Variants in SLC12A7 observed in about 807,000 individuals in gnomAD.
SLC12A7 encodes K-Cl cotransporter 4.
A neutral mutation model predicts 120.6 loss-of-function variants in SLC12A7; 100 were observed. The ratio of observed to expected loss-of-function variants is 0.83; its 90% confidence interval spans 0.71 to 0.98. The LOEUF is 0.98. SLC12A7 is among the 50% of genes least tolerant of loss of function. The probability of loss-of-function intolerance (pLI) is 0.00; values close to 1 mark genes in which losing one functional copy is unlikely to be tolerated. For synonymous variants in SLC12A7, 760 were observed against 678.0 expected (o/e 1.12, Z -1.88); for missense variants, 1,373 against 1,548.1 (o/e 0.89, Z 1.90).
At chr5:1,142,507 T>A in the SLC12A7 span, among the ~76,000 whole-genome samples, 1 of 65,364 alleles carries the variant, frequency 1.5e-5, no homozygotes, top group African/African-American at 7.0e-5. Context: ...CACTCCCCTC[T>A]CTCCCCTCTC....
intron 19 of SLC12A7, 46 bp from the exon 20 acceptor site, chr5:1,064,021 C>T (rs1386873704): frequency 6.2e-7 from 1 of 1,605,000 alleles, no homozygotes; most frequent in Non-Finnish European, 8.5e-7. Context: ...AGGAGCCCGT[C>T]CCGGCCCGCA....
intron 17 of SLC12A7, 108 bp from the exon 18 acceptor site, chr5:1,065,586 G>T: frequency 1.1e-6 from 1 of 882,250 alleles, no homozygotes; most frequent in Non-Finnish European, 1.7e-6. Context: ...TGTGGACCCA[G>T]CAGGAGGGAA....
At position 1,069,331 on chromosome 5, in the gene SLC12A7, C is replaced by T. The variant is rs573032109; in HGVS notation, c.2242-3853G>A. ...ACAGCCCTCTTGAGCAGGGTTCCCA[C>T]CCCTAGGCTGACCGGCCCAGACCTG... is the stretch of plus-strand genomic sequence containing the variant. On this transcript the variant is annotated intron_variant, in intron 17 of 23. Coordinates refer to ENST00000264930, the MANE Select transcript of SLC12A7 (RefSeq NM_006598.3). Among the ~76,000 whole-genome samples, 4 of 152,360 alleles carry T rather than the reference C, an allele frequency of 2.6e-5. No individual in the cohort carries two copies. In the East Asian group the frequency reaches 7.7e-4, roughly 29 times the overall value.
intron 22 of SLC12A7, among the ~76,000 whole-genome samples, chr5:1,053,988 T>A (rs1488041136): frequency 6.6e-6 from 1 of 152,086 alleles, no homozygotes; most frequent in Non-Finnish European, 1.5e-5. Context: ...TACAACTGGG[T>A]CCAAGGGGCC....
At chr5:1,112,090 G>C (rs1743069436), upstream of SLC12A7, 1 of 1,159,182 alleles carries the variant, frequency 8.6e-7, no homozygotes, top group African/African-American at 1.6e-5. Context: ...GTCCGACCGA[G>C]CCGCCCCGCC....
At chr5:1,115,663 C>T (rs1014210622), upstream of SLC12A7, among the ~76,000 whole-genome samples, 1 of 152,134 alleles carries the variant, frequency 6.6e-6, no homozygotes, top group Admixed American at 6.5e-5. Context: ...GGGAAGGGGA[C>T]ACCTGGAGGA....
chr5:1,076,799 C>T lies in SLC12A7; in HGVS notation c.1643G>A (p.Gly548Glu), dbSNP rs146000356. 1 of 1,609,208 alleles carries T rather than the reference C, an allele frequency of 6.2e-7. No individual in the cohort carries two copies. The highest frequency in any genetic ancestry group is 2.2e-5 in the East Asian group (1 of 44,858). The change falls in exon 13 of 24, where the codon GGG becomes GAG. Residue 548 changes from glycine (G) to glutamate (E), a missense_variant. Gly to Glu is a moderately conservative substitution (Grantham distance 98, BLOSUM62 -2). Transcript: ENST00000264930. ...IVPFLQVFGH[G>E]KANGEPTWAL... ...CCACGTGGGCTCCCCGTTGGCCTTC[C>T]CGTGGCCAAACACCTGCAGGGAGAA...
At chr5:1,078,028 G>T (rs569433617) in intron 11 of SLC12A7, 21 bp from the exon 12 acceptor site, 2 of 1,539,442 alleles carry the variant, frequency 1.3e-6, no homozygotes, top group South Asian at 2.4e-5. Context: ...GCGGGCAGGC[G>T]GGCGGGCGGC....
intron 21 of SLC12A7, among the ~76,000 whole-genome samples, chr5:1,059,482 G>T (rs1310538940): frequency 6.6e-6 from 1 of 152,208 alleles, no homozygotes; most frequent in African/African-American, 2.4e-5. Context: ...ACACACGTGT[G>T]TGATACCAGC....
At chr5:1,145,414 G>A in the SLC12A7 span, among the ~76,000 whole-genome samples, 3 of 152,324 alleles carry the variant, frequency 2.0e-5, no homozygotes, top group Admixed American at 6.5e-5. This position sits in a 1 kb window ranked among gnomAD's most constrained non-coding sequence, Gnocchi z 4.4. Context: ...GGGTAATTGC[G>A]GCCAGGTGCT....
upstream of SLC12A7, among the ~76,000 whole-genome samples, chr5:1,116,199 T>A (rs2126311534): frequency 6.6e-6 from 1 of 152,288 alleles, no homozygotes; most frequent in East Asian, 1.9e-4. Flanking sequence ...GCATCTCCCC[T>A]GAAGAAGCAG....
At chr5:1,136,553 C>T in the SLC12A7 span, among the ~76,000 whole-genome samples, 1 of 135,764 alleles carries the variant, frequency 7.4e-6, no homozygotes, top group Admixed American at 7.4e-5. Flanking sequence ...TGCTCAGACA[C>T]CAACACCAGG....
chr5:1,059,603 T>G (rs1472220451), intron 21 of SLC12A7, among the ~76,000 whole-genome samples: 1 of 152,210 alleles, frequency 6.6e-6, no homozygotes. Context: ...CAAAGACACC[T>G]GCCCTTGGGG....
intron 17 of SLC12A7, among the ~76,000 whole-genome samples, chr5:1,069,446 G>C (rs1390170844): frequency 1.3e-5 from 2 of 152,226 alleles, no homozygotes; most frequent in Non-Finnish European, 2.9e-5. Flanking sequence ...CACCCACAAG[G>C]TCCCAGTGGG....
At chr5:1,147,442 C>T in the SLC12A7 span, among the ~76,000 whole-genome samples, 2,959 of 151,828 alleles carry the variant, frequency 0.019, 45 homozygotes, top group African/African-American at 0.039. Flanking sequence ...CGGAGAGACC[C>T]GCCAGGAGTC....
chr5:1,153,159 C>T, the SLC12A7 span, among the ~76,000 whole-genome samples: 8 of 152,302 alleles, frequency 5.3e-5, no homozygotes, highest in East Asian at 7.7e-4. Context: ...GCCGCATGGC[C>T]GTGGGCACAG....
chr5:1,143,067 C>T, the SLC12A7 span, among the ~76,000 whole-genome samples: 142 of 152,300 alleles, frequency 9.3e-4, no homozygotes, highest in Middle Eastern at 6.8e-3. Flanking sequence ...ATCTGTGACA[C>T]GGGCCTTCCT....
chr5:1,111,756 G>C, intron 1 of SLC12A7, 112 bp downstream of exon 1: 1 of 1,059,672 alleles, frequency 9.4e-7, no homozygotes, highest in Non-Finnish European at 1.2e-6. Flanking sequence ...GGCGCGGGAA[G>C]GGGCGCCTCC....
intron 1 of SLC12A7, among the ~76,000 whole-genome samples, chr5:1,108,605 C>G (rs1742745120): frequency 6.6e-6 from 1 of 152,198 alleles, no homozygotes; most frequent in African/African-American, 2.4e-5. Flanking sequence ...CAGGACAGAA[C>G]CTGGACGCTC....
Sources: gnomAD v4.1 joint callset for allele counts (sites outside exome capture counted in the v4.1 genomes callset) on GRCh38, gnomAD v4.1.1 for gene constraint, Gnocchi (gnomAD v3.1) non-coding constraint, MANE v1.5 for transcripts, NCBI Gene and HGNC (gene_info 2026-07-23, HGNC 2026-07-21) for gene names.